Variants in CERS4 observed in about 807,000 individuals in gnomAD.
CERS4 encodes LAG1 homolog, ceramide synthase 4.
A neutral mutation model predicts 51.8 loss-of-function variants in CERS4; 65 were observed. That is an observed-to-expected ratio of 1.26 (90% CI 1.03 to 1.54). The LOEUF (loss-of-function observed/expected upper bound fraction) is 1.54. Ranked by LOEUF, CERS4 falls within the 40% of genes most tolerant of loss-of-function variation. The pLI is 0.00. For synonymous variants in CERS4, 228 were observed against 208.4 expected, an observed-to-expected ratio of 1.09 and a Z score of -0.81; for missense variants, 563 against 500.4, an observed-to-expected ratio of 1.13 and a Z score of -1.19.
In CERS4 at chr19:8,210,991, T is replaced by C. The variant is rs1257620175; in HGVS notation, c.-2+129T>C. On this transcript the variant is annotated intron_variant, in intron 2 of 11. Coordinates refer to ENST00000251363, the MANE Select transcript of CERS4 (RefSeq NM_024552.3). The surrounding 1 kb of genome is among the most constrained non-coding windows in gnomAD (Gnocchi z 4.2). The stretch of plus-strand genomic sequence containing the variant: ...AAAATGGGTCAGTAGTATCTGAGCC[T>C]GGGAGTGTTCATGGATCGATGAAAG... The C allele has an allele frequency of 2.0e-5, 3 of 151,550 alleles. No individual in the cohort carries two copies. The East Asian group carries it at 5.8e-4, about 29-fold the overall frequency. The allele number at this position is 151,550 out of a possible 1,614,324, so 9.4% of individuals were successfully genotyped here.
intron 10 of CERS4, among the ~76,000 whole-genome samples, chr19:8,259,057 C>T (rs1042260094): frequency 3.3e-5 from 5 of 152,050 alleles, no homozygotes; most frequent in Non-Finnish European, 7.4e-5. Flanking sequence ...TCACTTGAAC[C>T]CAGGAGGCAG....
intron 6 of CERS4, 70 bp downstream of exon 6, chr19:8,255,949 G>A: frequency 6.5e-7 from 1 of 1,527,720 alleles, no homozygotes; most frequent in East Asian, 2.3e-5. Flanking sequence ...GCAGGAGTGG[G>A]GGTGTGGAGT....
intron 2 of CERS4, among the ~76,000 whole-genome samples, chr19:8,238,140 G>A (rs564703556): frequency 2.0e-5 from 3 of 151,826 alleles, no homozygotes; most frequent in Admixed American, 6.6e-5. Context: ...CCTCCCTCAC[G>A]GACCTCCCCA....
intron 2 of CERS4, among the ~76,000 whole-genome samples, chr19:8,243,886 A>C (rs2145257463): frequency 6.6e-6 from 1 of 151,112 alleles, no homozygotes; most frequent in African/African-American, 2.4e-5. Context: ...ACTTAGCCTG[A>C]CTCCTGTCCT....
intron 2 of CERS4, among the ~76,000 whole-genome samples, chr19:8,218,368 C>T (rs1967391775): frequency 6.6e-6 from 1 of 152,170 alleles, no homozygotes; most frequent in African/African-American, 2.4e-5. Flanking sequence ...CATCAGATAA[C>T]GGAATGCTGA....
rs754711020 is a variant in CERS4 at position 8,255,662 on chromosome 19, G to C, written c.347G>C (p.Arg116Pro). ...QCGLTLQQTQ[R>P]WFRRRRNQDR... Reference sequence around the variant, plus strand: ...GGCCTCACGCTGCAGCAGACCCAGCGATGGTTCCGGAGACGCCGGAACCAG... The same window carrying C: ...GGCCTCACGCTGCAGCAGACCCAGCCATGGTTCCGGAGACGCCGGAACCAG... The change falls in exon 5 of 12, where the codon CGA becomes CCA. Residue 116 changes from arginine to proline, a missense_variant. Coordinates refer to ENST00000251363, the MANE Select transcript of CERS4 (RefSeq NM_024552.3). The C allele has an allele frequency of 3.7e-6, 6 of 1,612,916 alleles. No homozygotes were observed. The highest frequency in any genetic ancestry group is 1.8e-4 in the Middle Eastern group (1 of 5,630).
chr19:8,259,850 CAG>C lies in CERS4; in HGVS notation c.849-1833_849-1832del, dbSNP rs143102638. Among the ~76,000 whole-genome samples, 572 of 152,224 alleles carry C rather than the reference CAG, an allele frequency of 3.8e-3. 2 individuals are homozygous for C. Among genetic ancestry groups the C allele is most frequent in the African/African-American group, 0.012 (512 of 41,526 alleles). On this transcript the variant is annotated intron_variant, in intron 10 of 11. Transcript: ENST00000251363. The stretch of plus-strand genomic sequence containing the variant: ...GCATCACCTAGGGACCAGGTATGGA[CAG>C]AGAGTCTCAGTCCTCGGGCTTCCTG...
rs1287452010 is a variant in CERS4 at position 8,229,395 on chromosome 19, TTTCTTCTTCTTCTTTCTTCTTTTTTC to T, written c.-2+18548_-2+18573del. ...AGAGCCTTCTTCTTCTTTCTTCTTT[TTTCTTCTTCTTCTTTCTTCTTTTTTC>T]TTCTTCTTCTTCTTCGTGTGTCGCT... On this transcript the variant is annotated intron_variant, in intron 2 of 11. Transcript: ENST00000251363. Among the ~76,000 whole-genome samples, 351 of 91,442 alleles carry T rather than the reference TTTCTTCTTCTTCTTTCTTCTTTTTTC, an allele frequency of 3.8e-3. 1 individual carries two copies. The highest frequency in any genetic ancestry group is 0.015 in the African/African-American group (326 of 21,448). The allele number at this position is 91,442 out of a possible 152,430, so 60.0% of individuals were successfully genotyped here.
intron 2 of CERS4, 153 bp from the exon 3 acceptor site, chr19:8,250,923 A>G (rs1969044324): frequency 3.4e-6 from 5 of 1,458,836 alleles, no homozygotes; most frequent in East Asian, 2.5e-5. Flanking sequence ...AGTCCCAGGC[A>G]AGGGGAGTTC....
intron 6 of CERS4, 173 bp from the exon 7 acceptor site, chr19:8,256,063 G>T (rs1017726714): frequency 5.3e-6 from 5 of 943,572 alleles, no homozygotes; most frequent in Non-Finnish European, 8.0e-6. Flanking sequence ...TGCACCAAAA[G>T]TTGGGGTTCT....
chr19:8,215,659 T>G (rs1967270437), intron 2 of CERS4, among the ~76,000 whole-genome samples: 1 of 151,948 alleles, frequency 6.6e-6, no homozygotes, highest in Admixed American at 6.6e-5. Context: ...GGGAGGGAAT[T>G]TAGACACTTG....
At chr19:8,240,612 GTGTT>G (rs1968493616) in intron 2 of CERS4, 1 of 152,466 alleles carries the variant, frequency 6.6e-6, no homozygotes, top group Admixed American at 6.6e-5. Context: ...GTGTGTGTGT[GTGTT>G]TTCATCTCTG....
chr19:8,211,848 C>T (rs1033400419), intron 2 of CERS4, among the ~76,000 whole-genome samples: 4 of 148,324 alleles, frequency 2.7e-5, no homozygotes, highest in South Asian at 2.1e-4. Flanking sequence ...GCCGAGATCG[C>T]GCCACTGCAC....
intron 2 of CERS4, among the ~76,000 whole-genome samples, chr19:8,215,280 A>T (rs916860175): frequency 4.6e-5 from 7 of 152,044 alleles, no homozygotes; most frequent in Admixed American, 1.3e-4. Context: ...AGAGTTCGAG[A>T]CCAGCGTGGC....
At chr19:8,233,166 C>T (rs564673275) in intron 2 of CERS4, among the ~76,000 whole-genome samples, 4 of 151,660 alleles carry the variant, frequency 2.6e-5, no homozygotes, top group Non-Finnish European at 4.4e-5. Context: ...CCACCACACT[C>T]GGCTAATTTT....
intron 2 of CERS4, among the ~76,000 whole-genome samples, chr19:8,223,141 C>G (rs1356429009): frequency 6.6e-6 from 1 of 150,692 alleles, no homozygotes; most frequent in Non-Finnish European, 1.5e-5. Flanking sequence ...TGAGACCAGC[C>G]TGGGCAACAT....
intron 3 of CERS4, among the ~76,000 whole-genome samples, chr19:8,253,621 C>T (rs921654155): frequency 4.0e-5 from 6 of 151,880 alleles, no homozygotes; most frequent in Admixed American, 6.6e-5. Flanking sequence ...CCCGCCACCT[C>T]GCCCGGCTAA....
intron 2 of CERS4, among the ~76,000 whole-genome samples, chr19:8,237,472 T>C (rs955552708): frequency 3.3e-5 from 5 of 151,590 alleles, no homozygotes; most frequent in African/African-American, 1.2e-4. Context: ...AGAGGATCAC[T>C]TGAACCCAGG....
At position 8,260,280 on chromosome 19, in the gene CERS4, C is replaced by T. The variant is rs552354235; in HGVS notation, c.849-1408C>T. The stretch of plus-strand genomic sequence containing the variant: ...CGTGATCTCAGCCCACCACAACCTC[C>T]GCCTCCCGGGTTCAAGCAATTCTCC... On this transcript the variant is annotated intron_variant, in intron 10 of 11. Transcript: ENST00000251363. Among the ~76,000 whole-genome samples, 9 of 149,514 alleles carry T rather than the reference C, an allele frequency of 6.0e-5. No individual in the cohort carries two copies. The East Asian group carries it at 7.8e-4, about 13-fold the overall frequency.
Sources: gnomAD v4.1 joint callset for allele counts (sites outside exome capture counted in the v4.1 genomes callset) on GRCh38, gnomAD v4.1.1 for gene constraint, Gnocchi (gnomAD v3.1) non-coding constraint, MANE v1.5 for transcripts, NCBI Gene and HGNC (gene_info 2026-07-23, HGNC 2026-07-21) for gene names.